The following SNX14 variants were observed in gnomAD, a reference collection of about 807,000 sequenced individuals.
SNX14 encodes the protein sorting nexin-14.
In SNX14, 93 loss-of-function variants were observed where a neutral mutation model predicts 133.8. The ratio of observed to expected loss-of-function variants is 0.70; its 90% CI spans 0.59 to 0.83. The LOEUF (loss-of-function observed/expected upper bound fraction) is 0.83, where lower values mean the gene tolerates loss of function less well. Among genes scored for constraint, SNX14 ranks in the 40% least tolerant of loss-of-function variants. The pLI, the probability that SNX14 is intolerant of heterozygous loss-of-function variation, is 0.00. For synonymous variants in SNX14, 368 were observed against 365.6 expected (o/e 1.01, Z -0.07); for missense variants, 945 against 1,094.9 (o/e 0.86, Z 1.93).
At chr6:85,566,784 T>A (rs2128173021) in intron 5 of SNX14, among the ~76,000 whole-genome samples, 1 of 152,266 alleles carries the variant, frequency 6.6e-6, no homozygotes, top group African/African-American at 2.4e-5. Flanking sequence ...ATCATATGTA[T>A]AAGCCATGGA....
intron 19 of SNX14, among the ~76,000 whole-genome samples, chr6:85,529,906 AAG>A: frequency 6.6e-6 from 1 of 152,326 alleles, no homozygotes; most frequent in Middle Eastern, 3.4e-3. Flanking sequence ...AAGAACGAAA[AAG>A]AGTAAATAGA....
At position 85,577,412 on chromosome 6, in the gene SNX14, G is replaced by A. The variant is rs547553844; in HGVS notation, c.141-3034C>T. 1.4e-4 allele frequency among the ~76,000 whole-genome samples: 22 copies of A among 151,954 alleles called. 1 individual carries two copies. Among genetic ancestry groups the A allele is most frequent in the African/African-American group, 5.1e-4 (21 of 41,426 alleles). On this transcript the variant is annotated intron_variant, in intron 1 of 28. Coordinates refer to ENST00000314673, the MANE Select transcript of SNX14 (RefSeq NM_153816.6). ...CGGCTGGGTGACAGAGCGAGACTCC[G>A]TCTAAATAAATAAATACATAAAAGC...
intron 19 of SNX14, among the ~76,000 whole-genome samples, chr6:85,529,359 AAAGGAAGGAAACAAGGAAATG>A (rs1306607020): frequency 1.3e-5 from 2 of 151,874 alleles, no homozygotes; most frequent in Admixed American, 6.6e-5. Flanking sequence ...AGGAAGAAAG[AAAGGAAGGAAACAAGGAAATG>A]AAGGAAGGAA....
intron 5 of SNX14, 81 bp downstream of exon 5, chr6:85,567,453 A>G (rs1049701715): frequency 3.8e-6 from 4 of 1,043,128 alleles, no homozygotes; most frequent in Non-Finnish European, 5.6e-6. Context: ...CCTGGTCTAC[A>G]TGAAAAACAT....
chr6:85,524,750 C>T lies in SNX14; in HGVS notation c.2107+1376G>A, dbSNP rs1294330082. Among the ~76,000 whole-genome samples, 5 of 149,756 alleles carry T rather than the reference C, an allele frequency of 3.3e-5. No homozygotes were observed. The East Asian group carries it at 7.9e-4, about 24-fold the overall frequency. On this transcript the variant is annotated intron_variant, in intron 21 of 28. Coordinates refer to ENST00000314673, the MANE Select transcript of SNX14 (RefSeq NM_153816.6). ...AGTGAGCCAAAATCACACCACTGCA[C>T]TCCAGCCTGGGTGACAGAGCAAGAT...
intron 7 of SNX14, among the ~76,000 whole-genome samples, chr6:85,556,008 C>T (rs1176340086): frequency 1.3e-5 from 2 of 150,244 alleles, no homozygotes; most frequent in Non-Finnish European, 3.0e-5. Flanking sequence ...AAAAAAAAAA[C>T]ACCAAAAATC....
chr6:85,518,243 T>C (rs1000275098), intron 21 of SNX14, among the ~76,000 whole-genome samples, 195 bp from the exon 22 acceptor site: 2 of 152,138 alleles, frequency 1.3e-5, no homozygotes, highest in African/African-American at 4.8e-5. Flanking sequence ...GATAGAATAT[T>C]TGGGATTTAC....
chr6:85,508,351 G>A, intron 26 of SNX14: 3 of 1,046,946 alleles, frequency 2.9e-6, no homozygotes, highest in South Asian at 3.9e-5. Flanking sequence ...TCTGCTAGTT[G>A]GAAAATAATA....
At chr6:85,571,275 G>A (rs988129037) in intron 4 of SNX14, among the ~76,000 whole-genome samples, 1 of 150,802 alleles carries the variant, frequency 6.6e-6, no homozygotes, top group African/African-American at 2.4e-5. Context: ...CAGGAGAATC[G>A]CTTGAACCCG....
intron 19 of SNX14, among the ~76,000 whole-genome samples, chr6:85,529,596 A>T (rs998030648): frequency 6.6e-6 from 1 of 152,212 alleles, no homozygotes; most frequent in Non-Finnish European, 1.5e-5. Flanking sequence ...TTTGAACACA[A>T]GTACAAACTC....
At chr6:85,586,719 C>A (rs1055986107) in intron 1 of SNX14, among the ~76,000 whole-genome samples, 9 of 151,532 alleles carry the variant, frequency 5.9e-5, no homozygotes, top group African/African-American at 1.7e-4. Flanking sequence ...TAGCTAGGAC[C>A]ATAGGCTCGC....
intron 1 of SNX14, among the ~76,000 whole-genome samples, chr6:85,582,863 T>C (rs1258506225): frequency 2.6e-5 from 4 of 152,196 alleles, no homozygotes. Context: ...GCTGGTACCA[T>C]TCCTTCTGAA....
At chr6:85,583,679 A>G (rs2128228632) in intron 1 of SNX14, among the ~76,000 whole-genome samples, 1 of 152,280 alleles carries the variant, frequency 6.6e-6, no homozygotes, top group East Asian at 1.9e-4. Context: ...ACCTAGGAAT[A>G]CAATTTACAA....
rs1475350614 is a variant in SNX14 at position 85,514,161 on chromosome 6, G to A, written c.2466C>T (p.Thr822=). 3 of 1,613,890 alleles carry A rather than the reference G, an allele frequency of 1.9e-6. No homozygotes were observed. The highest frequency in any genetic ancestry group is 2.5e-6 in the Non-Finnish European group (3 of 1,179,928). Residue 822 remains threonine, a synonymous_variant, in exon 25 of 29, where the codon ACC becomes ACT. Transcript: ENST00000314673. ...LMGTRILFKN[T]LEMYTDYYLQ... The stretch of plus-strand genomic sequence containing the variant: ...GATAGTAATCAGTATACATTTCCAG[G>A]GTGTTTTTAAAGAGGATTCGAGTTC...
chr6:85,539,490 A>C (rs1033246348), intron 15 of SNX14, among the ~76,000 whole-genome samples: 3 of 152,312 alleles, frequency 2.0e-5, no homozygotes, highest in South Asian at 2.1e-4. Context: ...GAAACAGAGA[A>C]CATGATAAAT....
At chr6:85,563,693 G>A (rs1231646122) in intron 6 of SNX14, among the ~76,000 whole-genome samples, 1 of 151,798 alleles carries the variant, frequency 6.6e-6, no homozygotes, top group African/African-American at 2.4e-5. Context: ...GCGCCTGGCT[G>A]AGAAAAATAT....
intron 21 of SNX14, among the ~76,000 whole-genome samples, chr6:85,523,151 C>T (rs528353752): frequency 5.9e-5 from 9 of 152,174 alleles, no homozygotes; most frequent in South Asian, 2.1e-4. Flanking sequence ...GAAATAATAC[C>T]GGTAAGTTAT....
intron 1 of SNX14, among the ~76,000 whole-genome samples, chr6:85,577,484 G>C (rs1457542793): frequency 1.3e-5 from 2 of 152,008 alleles, no homozygotes; most frequent in Non-Finnish European, 2.9e-5. Context: ...GGCATGTTAA[G>C]TTTCAGATAT....
At chr6:85,510,572 T>G (rs2127769628) in intron 26 of SNX14, among the ~76,000 whole-genome samples, 1 of 152,330 alleles carries the variant, frequency 6.6e-6, no homozygotes, top group South Asian at 2.1e-4. Flanking sequence ...GTGGCTTCTC[T>G]TTTCATTCTT....
Sources: allele counts gnomAD v4.1 joint callset (sites outside exome capture counted in the v4.1 genomes callset), GRCh38; gene constraint gnomAD v4.1.1; transcripts MANE v1.5; gene names NCBI Gene and HGNC (gene_info 2026-07-23, HGNC 2026-07-21).